The following EYS variants were observed in gnomAD, a reference collection of about 807,000 sequenced individuals.
EYS encodes the protein EGF-like photoreceptor maintenance factor, also known as protein eyes shut homolog.
Under a neutral mutation model 282.1 loss-of-function variants are expected in EYS, and 250 were observed. The ratio of observed to expected loss-of-function variants is 0.89; its 90% CI spans 0.80 to 0.98. The LOEUF (loss-of-function observed/expected upper bound fraction) is 0.98, where lower values mean the gene tolerates loss of function less well. Ranked by LOEUF, EYS falls within the 50% of genes least tolerant of loss-of-function variation. The pLI is 0.00. For synonymous variants in EYS, 1,355 were observed against 1,282.9 expected (o/e 1.06, Z -1.20); for missense variants, 4,016 against 3,709.0 (o/e 1.08, Z -2.15).
intron 36 of EYS, among the ~76,000 whole-genome samples, chr6:63,837,780 C>T (rs984503473): frequency 1.3e-5 from 2 of 152,052 alleles, no homozygotes; most frequent in Admixed American, 1.3e-4. Context: ...TGATGTCTTT[C>T]CTTGTCAACA....
At chr6:64,305,231 T>C (rs7753930) in intron 30 of EYS, among the ~76,000 whole-genome samples, 102,273 of 152,068 alleles carry the variant, frequency 0.67, 34,483 homozygotes, top group Non-Finnish European at 0.71. Flanking sequence ...TCTTCTACAA[T>C]AGAAACTACT....
Position 65,066,934 on chromosome 6 carries a change from T to C in EYS, c.2024-9207A>G, listed in dbSNP as rs112964460. ...AATGTGATATGTAACATTTAGCATA[T>C]AGAATTATTATTCCTGAAACGACAG... is the stretch of plus-strand genomic sequence containing the variant. On this transcript the variant is annotated intron_variant, in intron 12 of 42. Coordinates refer to ENST00000503581, the MANE Select transcript of EYS (RefSeq NM_001142800.2). Among the ~76,000 whole-genome samples the C allele has an allele frequency of 2.4e-3, 363 of 152,268 alleles. 5 individuals carry two copies. Among genetic ancestry groups the C allele is most frequent in the Middle Eastern group, 0.01 (3 of 294 alleles).
chr6:65,205,014 A>G (rs1488103648), intron 12 of EYS, among the ~76,000 whole-genome samples: 1 of 115,846 alleles, frequency 8.6e-6, no homozygotes, highest in Non-Finnish European at 1.8e-5. Flanking sequence ...GAATATATTT[A>G]TATATTCTAG....
chr6:64,814,587 T>C (rs911651038), intron 21 of EYS, among the ~76,000 whole-genome samples: 1 of 152,032 alleles, frequency 6.6e-6, no homozygotes, highest in Non-Finnish European at 1.5e-5. Flanking sequence ...AGGGTTTATA[T>C]ATATACTTAC....
intron 31 of EYS, among the ~76,000 whole-genome samples, chr6:64,138,015 G>C (rs754862832): frequency 1.3e-5 from 2 of 152,164 alleles, no homozygotes; most frequent in African/African-American, 2.4e-5. Context: ...AAGCAATCGA[G>C]AGAATAGTGA....
At chr6:65,513,628 G>C (rs1450403950) in intron 2 of EYS, among the ~76,000 whole-genome samples, 4 of 152,130 alleles carry the variant, frequency 2.6e-5, no homozygotes, top group Non-Finnish European at 4.4e-5. Flanking sequence ...ATGCAAGGCT[G>C]GTTCAATATA....
chr6:65,124,283 G>C (rs1352724705), intron 12 of EYS, among the ~76,000 whole-genome samples: 1 of 152,142 alleles, frequency 6.6e-6, no homozygotes, highest in Non-Finnish European at 1.5e-5. Context: ...CATTGAGCTT[G>C]ATGTTCGCTT....
intron 12 of EYS, among the ~76,000 whole-genome samples, chr6:65,196,349 C>A (rs1765766529): frequency 6.6e-6 from 1 of 152,034 alleles, no homozygotes; most frequent in Non-Finnish European, 1.5e-5. Context: ...CTTCCAGTTA[C>A]CACATATTAT....
At position 64,591,365 on chromosome 6, in the gene EYS, A is replaced by G; in HGVS notation, c.4502T>C (p.Ile1501Thr). The change falls in exon 26 of 43, where the codon ATA (isoleucine) becomes ACA (threonine). Residue 1501 changes from isoleucine (I) to threonine (T), a missense_variant. By Grantham distance (89) the Ile-to-Thr change is moderately conservative (BLOSUM62 -1). Coordinates refer to ENST00000503581, the MANE Select transcript of EYS (RefSeq NM_001142800.2). Reference sequence around the variant, plus strand: ...GTTTAAGATGGTTACCTGTTTAGATATAATTACCTTAGCAGGAAAAATGGG... The same window carrying G: ...GTTTAAGATGGTTACCTGTTTAGATGTAATTACCTTAGCAGGAAAAATGGG... ...MSPIFPAKVI[I>T]SKQVTILNSS... 1 of 1,551,352 alleles carries G rather than the reference A, an allele frequency of 6.4e-7. No homozygotes were observed.
chr6:65,341,508 G>T (rs973084336), intron 10 of EYS, among the ~76,000 whole-genome samples: 10 of 151,100 alleles, frequency 6.6e-5, no homozygotes, highest in African/African-American at 2.4e-4. Flanking sequence ...AGAACAAAAA[G>T]GGAAAAATCC....
At chr6:64,689,219 C>G (rs1459314185) in intron 22 of EYS, among the ~76,000 whole-genome samples, 1 of 152,108 alleles carries the variant, frequency 6.6e-6, no homozygotes, top group East Asian at 1.9e-4. Flanking sequence ...CTCCCATTCA[C>G]AATTGCTTCA....
chr6:65,000,535 G>T (rs1771428199), intron 13 of EYS, among the ~76,000 whole-genome samples: 1 of 152,202 alleles, frequency 6.6e-6, no homozygotes, highest in Non-Finnish European at 1.5e-5. Flanking sequence ...ACTTCGGGAG[G>T]CCGAGGCAGG....
intron 41 of EYS, among the ~76,000 whole-genome samples, chr6:63,730,158 A>G (rs916529541): frequency 2.6e-5 from 4 of 152,172 alleles, no homozygotes; most frequent in African/African-American, 9.7e-5. Flanking sequence ...TCCCAATATA[A>G]TGCATTAATA....
intron 12 of EYS, among the ~76,000 whole-genome samples, chr6:65,126,623 C>T (rs576244971): frequency 5.9e-5 from 9 of 152,148 alleles, no homozygotes; most frequent in South Asian, 2.1e-4. Context: ...CCCACAAAAA[C>T]GATTTTTAAA....
intron 7 of EYS, among the ~76,000 whole-genome samples, chr6:65,397,725 C>A (rs1015201427): frequency 4.6e-5 from 7 of 151,608 alleles, no homozygotes; most frequent in Non-Finnish European, 1.0e-4. Context: ...CATATGAGTG[C>A]AGGTGCTATT....
At chr6:64,555,632 T>G (rs2149808420) in intron 26 of EYS, among the ~76,000 whole-genome samples, 1 of 151,760 alleles carries the variant, frequency 6.6e-6, no homozygotes, top group African/African-American at 2.4e-5. Flanking sequence ...AAAAATAAAT[T>G]TAAAAAATAT....
chr6:64,450,810 G>A (rs144014616), intron 26 of EYS, among the ~76,000 whole-genome samples: 36,700 of 152,076 alleles, frequency 0.24, 4,971 homozygotes, highest in East Asian at 0.39. Context: ...TGAAAGCAAC[G>A]AGAACAAAGA....
At chr6:63,831,136 T>C (rs1313792620) in intron 36 of EYS, among the ~76,000 whole-genome samples, 1 of 152,150 alleles carries the variant, frequency 6.6e-6, no homozygotes, top group Non-Finnish European at 1.5e-5. Flanking sequence ...AGACCATTGA[T>C]GCTAAGAAGA....
At chr6:64,102,019 G>C (rs574761513) in intron 31 of EYS, among the ~76,000 whole-genome samples, 37 of 152,066 alleles carry the variant, frequency 2.4e-4, no homozygotes, top group Admixed American at 6.5e-4. Context: ...GAGAGTGATG[G>C]GGAGTGGCTG....
Sources: allele counts gnomAD v4.1 joint callset (sites outside exome capture counted in the v4.1 genomes callset), GRCh38; gene constraint gnomAD v4.1.1; transcripts MANE v1.5; gene names NCBI Gene and HGNC (gene_info 2026-07-23, HGNC 2026-07-21).